Variants in DSG3 observed in about 807,000 individuals in gnomAD.
DSG3 encodes desmoglein-3.
In DSG3, 63 loss-of-function variants were observed where a neutral mutation model predicts 85.9. The ratio of observed to expected loss-of-function variants is 0.73; its 90% CI spans 0.60 to 0.90. The LOEUF (loss-of-function observed/expected upper bound fraction) is 0.90. Among genes scored for constraint, DSG3 ranks in the 40% least tolerant of loss-of-function variants. The pLI is 0.00. For missense variants in DSG3, 1,220 were observed against 1,219.9 expected (o/e 1.00, Z 0.00); for synonymous variants, 447 against 441.9 (o/e 1.01, Z -0.14).
intron 12 of DSG3, among the ~76,000 whole-genome samples, chr18:31,469,755 A>G (rs2072844396): frequency 6.6e-6 from 1 of 152,182 alleles, no homozygotes; most frequent in South Asian, 2.1e-4. Context: ...AGTCAAACAA[A>G]GTTAGGGAAA....
At chr18:31,455,582 A>G (rs1247741121) in intron 1 of DSG3, among the ~76,000 whole-genome samples, 2 of 152,208 alleles carry the variant, frequency 1.3e-5, no homozygotes, top group Non-Finnish European at 2.9e-5. Flanking sequence ...AGTAAAGACA[A>G]TTTCATGGAG....
chr18:31,475,428 G>A (rs1051552217), intron 15 of DSG3, among the ~76,000 whole-genome samples: 1 of 152,190 alleles, frequency 6.6e-6, no homozygotes, highest in Non-Finnish European at 1.5e-5. Context: ...GTAGAATCTA[G>A]ACAAAGGTTC....
intron 14 of DSG3, among the ~76,000 whole-genome samples, chr18:31,473,053 C>T (rs369820269): frequency 5.9e-5 from 9 of 152,280 alleles, no homozygotes; most frequent in African/African-American, 1.4e-4. Flanking sequence ...ACTTTAGTGA[C>T]GTGTAGTTCT....
chr18:31,476,187 T>A lies in DSG3; in HGVS notation c.2927T>A (p.Leu976Gln), dbSNP rs2072886881. ...ICPISSVPGNLAGPTQLRGSH... is the reference protein window; with the variant it reads ...ICPISSVPGNQAGPTQLRGSH... ...CCCATTTCCAGTGTTCCTGGCAACCTAGCTGGCCCAACGCAGCTACGAGGG... is the reference window on the plus strand; with the variant it reads ...CCCATTTCCAGTGTTCCTGGCAACCAAGCTGGCCCAACGCAGCTACGAGGG... Residue 976 changes from leucine (L) to glutamine (Q), a missense_variant, in exon 16 of 16, where the codon CTA (leucine) becomes CAA (glutamine). By Grantham distance (113) the Leu-to-Gln change is moderately radical. Coordinates refer to ENST00000257189, the MANE Select transcript of DSG3 (RefSeq NM_001944.3). 1 of 1,614,102 alleles carries A rather than the reference T, an allele frequency of 6.2e-7. No homozygotes were observed.
rs754934420 is a variant in DSG3 at position 31,474,333 on chromosome 18, A to G, written c.2314A>G (p.Thr772Ala). The change falls in exon 15 of 16, where the codon ACT becomes GCT. Residue 772 changes from threonine to alanine, a missense_variant. Physicochemically the swap from Thr to Ala is moderately conservative, Grantham distance 58. Coordinates refer to ENST00000257189, the MANE Select transcript of DSG3 (RefSeq NM_001944.3). Reference protein sequence around the residue: ...QSGTMRTRHSTGGTNKDYADG... With the variant: ...QSGTMRTRHSAGGTNKDYADG... ...TGGAACCATGAGAACAAGGCATTCC[A>G]CTGGAGGAACCAATAAGGACTACGC... The G allele has an allele frequency of 3.7e-6, 6 of 1,614,112 alleles. No homozygotes were observed. In the Admixed American group the frequency reaches 6.7e-5, roughly 18 times the overall value.
chr18:31,458,335 C>A, intron 3 of DSG3, 110 bp from the exon 4 acceptor site: 2 of 1,213,288 alleles, frequency 1.6e-6, no homozygotes, highest in South Asian at 1.6e-5. Flanking sequence ...GGCACAATGT[C>A]AAAAAGAGTG....
chr18:31,467,882 A>C (rs1336687641), intron 11 of DSG3, among the ~76,000 whole-genome samples: 1 of 152,228 alleles, frequency 6.6e-6, no homozygotes, highest in Non-Finnish European at 1.5e-5. Flanking sequence ...CACTTCTGAC[A>C]TAAAGATCTA....
chr18:31,457,188 A>G (rs1568086231), intron 3 of DSG3, 64 bp downstream of exon 3: 2 of 1,504,472 alleles, frequency 1.3e-6, no homozygotes, highest in South Asian at 2.7e-5. Context: ...AAATTAAAAT[A>G]ATACGGCAAT....
rs761788721 is a variant in DSG3 at position 31,469,301 on chromosome 18, G to A, written c.1849G>A (p.Gly617Arg). 14 of 1,613,652 alleles carry A rather than the reference G, an allele frequency of 8.7e-6. No homozygotes were observed. Among genetic ancestry groups the A allele is most frequent in the Non-Finnish European group, 1.2e-5 (14 of 1,180,040 alleles). The change falls in exon 12 of 16, where the codon GGG (glycine) becomes AGG (arginine). Residue 617 changes from glycine to arginine, a missense_variant. Transcript: ENST00000257189. ...TGGCAGGCCGCACTCAGGGAGGCTG[G>A]GGCCTGCCGCCATCGGCCTGCTGCT... Reference protein sequence around the residue: ...RYGRPHSGRLGPAAIGLLLLG... With the variant: ...RYGRPHSGRLRPAAIGLLLLG...
At chr18:31,467,788 A>G (rs2072831120) in intron 11 of DSG3, among the ~76,000 whole-genome samples, 1 of 152,238 alleles carries the variant, frequency 6.6e-6, no homozygotes, top group African/African-American at 2.4e-5. Context: ...CTGTTAAAGC[A>G]TGTCCTTCAG....
chr18:31,475,839 G>C lies in DSG3; in HGVS notation c.2579G>C (p.Ser860Thr). The C allele has an allele frequency of 6.2e-7, 1 of 1,614,176 alleles. No individual in the cohort carries two copies. The highest frequency in any genetic ancestry group is 8.5e-7 in the Non-Finnish European group (1 of 1,180,050). The change falls in exon 16 of 16, where the codon AGC becomes ACC. Residue 860 changes from serine (S) to threonine (T), a missense_variant. Coordinates refer to ENST00000257189, the MANE Select transcript of DSG3 (RefSeq NM_001944.3). ...GPKFKKLAEI[S>T]LGVDGEGKEV... ...AAATTTAAAAAACTTGCAGAGATAA[G>C]CCTTGGTGTTGATGGTGAAGGCAAA...
intron 2 of DSG3, 73 bp from the exon 3 acceptor site, chr18:31,456,920 G>A: frequency 6.7e-7 from 1 of 1,489,960 alleles, no homozygotes; most frequent in Non-Finnish European, 9.1e-7. Flanking sequence ...CCTCAACTAG[G>A]TGTCTGTAAT....
At position 31,466,568 on chromosome 18, in the gene DSG3, A is replaced by G; in HGVS notation, c.1450A>G (p.Arg484Gly). Residue 484 changes from arginine (R) to glycine (G), a missense_variant, in exon 11 of 16, where the codon AGA becomes GGA. Arg to Gly is a moderately radical substitution (Grantham distance 125, BLOSUM62 -2). Coordinates refer to ENST00000257189, the MANE Select transcript of DSG3 (RefSeq NM_001944.3). ...AACTTCTACAGGCACGGTATATGTT[A>G]GAGTACCCGATTTCAATGACAATTG... ...GKTSTGTVYV[R>G]VPDFNDNCPT... 3 of 1,614,224 alleles carry G rather than the reference A, an allele frequency of 1.9e-6. No homozygotes were observed. Among genetic ancestry groups the G allele is most frequent in the Non-Finnish European group, 2.5e-6 (3 of 1,180,028 alleles).
At chr18:31,460,695 A>G (rs2072778248) in intron 6 of DSG3, 138 bp from the exon 7 acceptor site, 8 of 754,354 alleles carry the variant, frequency 1.1e-5, no homozygotes, top group Non-Finnish European at 1.2e-5. Flanking sequence ...AAAGACCTCC[A>G]CCCAACCATC....
At chr18:31,453,224 A>C (rs774994203) in intron 1 of DSG3, among the ~76,000 whole-genome samples, 1 of 152,330 alleles carries the variant, frequency 6.6e-6, no homozygotes, top group South Asian at 2.1e-4. Context: ...TCATGTTTAA[A>C]ATTTGGACTG....
intron 1 of DSG3, among the ~76,000 whole-genome samples, chr18:31,455,938 G>C (rs1805588833): frequency 6.6e-6 from 1 of 152,090 alleles, no homozygotes; most frequent in African/African-American, 2.4e-5. Context: ...CTTTTCACTT[G>C]TACAATTAAA....
intron 14 of DSG3, among the ~76,000 whole-genome samples, chr18:31,473,505 G>A (rs111407924): frequency 9.2e-5 from 14 of 152,084 alleles, no homozygotes; most frequent in African/African-American, 1.9e-4. Flanking sequence ...TGCAAAATCC[G>A]CATGAGATTT....
At chr18:31,456,937 T>C in intron 2 of DSG3, 56 bp from the exon 3 acceptor site, 7 of 1,571,798 alleles carry the variant, frequency 4.5e-6, no homozygotes, top group Non-Finnish European at 6.0e-6. Context: ...TAATCAATAT[T>C]CTAAGCAAAA....
chr18:31,472,187 A>G (rs2072859351), intron 12 of DSG3, 97 bp from the exon 13 acceptor site: 2 of 1,553,598 alleles, frequency 1.3e-6, no homozygotes, highest in South Asian at 1.2e-5. Flanking sequence ...AATATTTAAG[A>G]TACTGTATTT....
Sources: allele counts gnomAD v4.1 joint callset (sites outside exome capture counted in the v4.1 genomes callset), GRCh38; gene constraint gnomAD v4.1.1; transcripts MANE v1.5; gene names NCBI Gene and HGNC (gene_info 2026-07-23, HGNC 2026-07-21).